MALRD1: variants seen among roughly 807,000 people sequenced by gnomAD.
MALRD1 encodes MAM and LDL-receptor class A domain-containing protein 1.
A neutral mutation model predicts 242.1 loss-of-function variants in MALRD1; 247 were observed. That is an observed-to-expected ratio of 1.02 (90% CI 0.92 to 1.13). The LOEUF is 1.13. MALRD1 is among the 50% of genes most tolerant of loss of function. MALRD1 has a pLI of 0.00. For missense variants in MALRD1, 2,989 were observed against 2,533.1 expected (o/e 1.18, Z -3.86); for synonymous variants, 995 against 866.6 (o/e 1.15, Z -2.60).
intron 5 of MALRD1, among the ~76,000 whole-genome samples, chr10:19,122,566 A>C (rs1040153622): frequency 6.6e-6 from 1 of 152,128 alleles, no homozygotes; most frequent in African/African-American, 2.4e-5. Flanking sequence ...GATTGTAACA[A>C]GCTGGAACAG....
At chr10:19,663,117 G>A (rs1326976) in intron 36 of MALRD1, among the ~76,000 whole-genome samples, 15,499 of 151,972 alleles carry the variant, frequency 0.1, 1,994 homozygotes, top group African/African-American at 0.3. Context: ...TAGTTTAACC[G>A]TCACCCATAT....
intron 31 of MALRD1, among the ~76,000 whole-genome samples, chr10:19,511,956 T>A (rs1488000064): frequency 6.6e-6 from 1 of 151,936 alleles, no homozygotes; most frequent in East Asian, 1.9e-4. Flanking sequence ...TGAAGAGAAA[T>A]CTCCTTGGTC....
chr10:19,318,670 CTCT>C (rs1164812450), intron 21 of MALRD1, among the ~76,000 whole-genome samples: 2 of 151,810 alleles, frequency 1.3e-5, no homozygotes, highest in Non-Finnish European at 1.5e-5. Flanking sequence ...CTTGTTCTGT[CTCT>C]TCTTACGTTT....
At chr10:19,657,772 T>A (rs1841232380) in intron 36 of MALRD1, among the ~76,000 whole-genome samples, 1 of 152,176 alleles carries the variant, frequency 6.6e-6, no homozygotes, top group African/African-American at 2.4e-5. Flanking sequence ...GTTTTTTTGT[T>A]ATTTCAAAAA....
intron 34 of MALRD1, among the ~76,000 whole-genome samples, chr10:19,599,842 T>C (rs1209725069): frequency 6.6e-6 from 1 of 152,098 alleles, no homozygotes; most frequent in Non-Finnish European, 1.5e-5. Flanking sequence ...CATGCTGATC[T>C]CAAAGAGTCT....
intron 10 of MALRD1, among the ~76,000 whole-genome samples, chr10:19,139,391 C>T (rs541309738): frequency 4.6e-5 from 7 of 152,064 alleles, no homozygotes; most frequent in Non-Finnish European, 8.8e-5. Flanking sequence ...TTTTCATAAA[C>T]GATTCTTCCA....
At chr10:19,403,940 A>T (rs1264999695) in intron 28 of MALRD1, among the ~76,000 whole-genome samples, 1 of 152,298 alleles carries the variant, frequency 6.6e-6, no homozygotes, top group African/African-American at 2.4e-5. Flanking sequence ...AATATAAAAC[A>T]TAAGAAAACA....
intron 1 of MALRD1, chr10:19,051,988 G>T: frequency 3.5e-6 from 1 of 283,806 alleles, no homozygotes; most frequent in Non-Finnish European, 6.9e-6. Context: ...ATAGAATGTG[G>T]ACCTAAATAC....
At position 19,526,860 on chromosome 10, in the gene MALRD1, C is replaced by T. The variant is rs116930771; in HGVS notation, c.5321-4334C>T. On this transcript the variant is annotated intron_variant, in intron 31 of 39. Coordinates refer to ENST00000454679, the MANE Select transcript of MALRD1 (RefSeq NM_001142308.3). ...TTAGATTGTATAACATTTCTTTCTA[C>T]GAAGTCATATCTTTGCTAAGCTGGT... Among the ~76,000 whole-genome samples, 31 of 152,148 alleles carry T rather than the reference C, an allele frequency of 2.0e-4. 1 individual carries two copies. The East Asian group carries it at 3.7e-3, about 18-fold the overall frequency.
chr10:19,283,997 G>T (rs1014489405), intron 21 of MALRD1, among the ~76,000 whole-genome samples: 2 of 152,170 alleles, frequency 1.3e-5, no homozygotes, highest in Non-Finnish European at 2.9e-5. Context: ...CAGCAGAAGG[G>T]AAACAAGGAA....
At chr10:19,678,531 C>A (rs897919007) in intron 36 of MALRD1, among the ~76,000 whole-genome samples, 3 of 152,156 alleles carry the variant, frequency 2.0e-5, no homozygotes, top group Non-Finnish European at 4.4e-5. Flanking sequence ...TATCCTGAGA[C>A]TTTGCTAAAG....
At chr10:19,270,524 A>T (rs990306141) in intron 19 of MALRD1, among the ~76,000 whole-genome samples, 2 of 152,090 alleles carry the variant, frequency 1.3e-5, no homozygotes, top group African/African-American at 4.8e-5. Flanking sequence ...GGTGAGAGAA[A>T]AAAAGAGAGA....
intron 33 of MALRD1, among the ~76,000 whole-genome samples, chr10:19,592,771 A>ACG (rs1837882680): frequency 6.7e-6 from 1 of 150,112 alleles, no homozygotes; most frequent in Admixed American, 6.6e-5. Flanking sequence ...ACGCACGCAC[A>ACG]CACACACACA....
At chr10:19,446,662 A>T (rs1465758836) in intron 28 of MALRD1, among the ~76,000 whole-genome samples, 1 of 152,230 alleles carries the variant, frequency 6.6e-6, no homozygotes, top group Admixed American at 6.5e-5. Flanking sequence ...AATTTGCAAG[A>T]CAAAAGTTCC....
intron 5 of MALRD1, among the ~76,000 whole-genome samples, chr10:19,122,994 G>A (rs1837119814): frequency 6.6e-6 from 1 of 152,170 alleles, no homozygotes; most frequent in African/African-American, 2.4e-5. Flanking sequence ...CCAAAGGCCA[G>A]CCCATGCCTG....
chr10:19,049,497 G>A (rs546878781), intron 1 of MALRD1, among the ~76,000 whole-genome samples: 1 of 152,180 alleles, frequency 6.6e-6, no homozygotes, highest in Non-Finnish European at 1.5e-5. Flanking sequence ...TAGCTTACGT[G>A]TGAATTTAAT....
rs891651509 is a variant in MALRD1, at chr10:19,358,801, A to C, written c.4441+6504A>C. On this transcript the variant is annotated intron_variant, in intron 26 of 39. Coordinates refer to ENST00000454679, the MANE Select transcript of MALRD1 (RefSeq NM_001142308.3). Reference sequence around the variant, plus strand: ...AGGAGACTATGAAATTAAACTGTACACATGGTGACATTTCTTAAAAGGATA... The same window carrying C: ...AGGAGACTATGAAATTAAACTGTACCCATGGTGACATTTCTTAAAAGGATA... 2.6e-4 allele frequency among the ~76,000 whole-genome samples: 39 copies of C among 152,154 alleles called. 1 individual carries two copies. The highest frequency in any genetic ancestry group is 1.1e-3 in the Admixed American group (17 of 15,264).
chr10:19,478,087 G>A (rs1198728764), intron 29 of MALRD1, among the ~76,000 whole-genome samples: 1 of 152,130 alleles, frequency 6.6e-6, no homozygotes, highest in African/African-American at 2.4e-5. Context: ...TTATTAAAAG[G>A]GAAATCTTAC....
intron 38 of MALRD1, among the ~76,000 whole-genome samples, chr10:19,696,502 A>T (rs541910477): frequency 7.2e-5 from 11 of 152,282 alleles, no homozygotes; most frequent in Admixed American, 1.3e-4. Flanking sequence ...TCAGATCTTC[A>T]GCCTGCAGTC....
Sources: allele counts gnomAD v4.1 joint callset (sites outside exome capture counted in the v4.1 genomes callset), GRCh38; gene constraint gnomAD v4.1.1; transcripts MANE v1.5; gene names NCBI Gene and HGNC (gene_info 2026-07-23, HGNC 2026-07-21).